Variants in KAT2A observed in about 807,000 individuals in gnomAD.
The protein encoded by KAT2A is histone acetyltransferase KAT2A.
A neutral mutation model predicts 95.2 loss-of-function variants in KAT2A; 42 were observed. The observed-to-expected ratio is 0.44, with a 90% CI of 0.34 to 0.57. The LOEUF (loss-of-function observed/expected upper bound fraction) is 0.57, where lower values mean the gene tolerates loss of function less well. Among genes scored for constraint, KAT2A ranks in the 20% least tolerant of loss-of-function variants. The probability of loss-of-function intolerance (pLI) is 0.01; values close to 1 mark genes in which losing one functional copy is unlikely to be tolerated. For synonymous variants in KAT2A, 449 were observed against 448.2 expected (o/e 1.00, Z -0.02); for missense variants, 784 against 1,126.3 (o/e 0.70, Z 4.35).
intron 7 of KAT2A, 29 bp from the exon 8 acceptor site, chr17:42,118,046 G>C (rs1555666469): frequency 1.5e-6 from 2 of 1,334,702 alleles, no homozygotes; most frequent in African/African-American, 1.7e-5. Context: ...GTCAGGGATG[G>C]GGGGCTGAAG....
At chr17:42,116,942 G>C in intron 11 of KAT2A, 93 bp downstream of exon 11, 5 of 1,469,994 alleles carry the variant, frequency 3.4e-6, no homozygotes, top group Non-Finnish European at 4.7e-6. Context: ...AAGAGCAACG[G>C]GCTGCTGCAT....
chr17:42,119,926 C>G lies in KAT2A; in HGVS notation c.699+104G>C. Reference sequence around the variant, plus strand: ...ACAAAACACCCTTCCTTCTCTGAACCTCCCCAGTGTTCTCAGCTTGAGGAG... The same window carrying G: ...ACAAAACACCCTTCCTTCTCTGAACGTCCCCAGTGTTCTCAGCTTGAGGAG... On this transcript the variant is annotated intron_variant, in intron 4 of 17. Transcript: ENST00000225916. The surrounding 1 kb of genome is among the most constrained non-coding windows in gnomAD (Gnocchi z 5.3). 2 of 1,171,714 alleles carry G rather than the reference C, an allele frequency of 1.7e-6. No homozygotes were observed. Among genetic ancestry groups the G allele is most frequent in the Non-Finnish European group, 2.5e-6 (2 of 790,182 alleles). The allele number at this position is 1,171,714 out of a possible 1,614,324, so 72.6% of individuals were successfully genotyped here.
In KAT2A at chr17:42,117,461, C is replaced by T; in HGVS notation, c.1564G>A (p.Gly522Arg). 1 of 1,613,186 alleles carries T rather than the reference C, an allele frequency of 6.2e-7. No individual in the cohort carries two copies. Residue 522 changes from glycine to arginine, a missense_variant, in exon 10 of 18, where the codon GGG becomes AGG. Transcript: ENST00000225916. This position sits in a 1 kb window ranked among gnomAD's most constrained non-coding sequence, Gnocchi z 8.9. ...ANRRVLLWLV[G>R]LQNVFSHQLP... ...TGGTGGGAAAAGACATTCTGCAGCC[C>T]CACGAGCCACAGCAACACCCGCCGG...
At chr17:42,120,624 G>C (rs1327426151) in intron 2 of KAT2A, 82 bp downstream of exon 2, 34 of 1,576,594 alleles carry the variant, frequency 2.2e-5, no homozygotes, top group Non-Finnish European at 2.8e-5. Flanking sequence ...TTTTTTCAGA[G>C]ATGAAGCTTT....
At position 42,117,176 on chromosome 17, in the gene KAT2A, G is replaced by A. The variant is rs781912584; in HGVS notation, c.1638-15C>T. The A allele has an allele frequency of 1.7e-5, 28 of 1,613,538 alleles. No individual in the cohort carries two copies. Among genetic ancestry groups the A allele is most frequent in the African/African-American group, 6.7e-5 (5 of 74,920 alleles). ...TCTTGTGCTTCCTAAGAGAGAGGGGGGCATGTCATAGCCCCTGACTGTCCC... is the reference window on the plus strand; with the variant it reads ...TCTTGTGCTTCCTAAGAGAGAGGGGAGCATGTCATAGCCCCTGACTGTCCC... On this transcript the variant is annotated splice_polypyrimidine_tract_variant and intron_variant, in intron 10 of 17. Transcript: ENST00000225916. This position sits in a 1 kb window ranked among gnomAD's most constrained non-coding sequence, Gnocchi z 8.9.
At chr17:42,115,609 G>C in intron 12 of KAT2A, 114 bp downstream of exon 12, 1 of 728,068 alleles carries the variant, frequency 1.4e-6, no homozygotes, top group Non-Finnish European at 2.5e-6. Context: ...CTCCTGGCAG[G>C]TGTCAGGTGA....
At chr17:42,118,466 G>A in intron 6 of KAT2A, 63 bp from the exon 7 acceptor site, 1 of 1,177,410 alleles carries the variant, frequency 8.5e-7, no homozygotes, top group Non-Finnish European at 1.3e-6. Flanking sequence ...GGGCCAGGCA[G>A]CAGAGGGACT....
chr17:42,114,939 G>A lies in KAT2A; in HGVS notation c.1972C>T (p.Arg658Cys), dbSNP rs374869741. The A allele has an allele frequency of 1.9e-5, 31 of 1,613,868 alleles. No homozygotes were observed. Among genetic ancestry groups the A allele is most frequent in the African/African-American group, 2.7e-5 (2 of 74,858 alleles). ...ATLMECELNP[R>C]IPYTELSHII... Reference sequence around the variant, plus strand: ...TGGGACAGCTCCGTGTAGGGGATGCGGGGATTCAGCTCACACTCCATCAGC... The same window carrying A: ...TGGGACAGCTCCGTGTAGGGGATGCAGGGATTCAGCTCACACTCCATCAGC... Residue 658 changes from arginine to cysteine, a missense_variant, in exon 13 of 18, where the codon CGC becomes TGC. Transcript: ENST00000225916. This position sits in a 1 kb window ranked among gnomAD's most constrained non-coding sequence, Gnocchi z 6.0.
At chr17:42,116,109 T>C (rs2054254773) in intron 11 of KAT2A, among the ~76,000 whole-genome samples, 1 of 152,182 alleles carries the variant, frequency 6.6e-6, no homozygotes, top group Non-Finnish European at 1.5e-5. Context: ...ATTACCACCT[T>C]TATTTTACAG....
chr17:42,114,829 T>C lies in KAT2A; in HGVS notation c.2019+63A>G. The C allele has an allele frequency of 6.4e-7, 1 of 1,550,980 alleles. No individual in the cohort carries two copies. Among genetic ancestry groups the C allele is most frequent in the Non-Finnish European group, 8.9e-7 (1 of 1,125,958 alleles). On this transcript the variant is annotated intron_variant, in intron 13 of 17. Coordinates refer to ENST00000225916, the MANE Select transcript of KAT2A (RefSeq NM_021078.3). This position sits in a 1 kb window ranked among gnomAD's most constrained non-coding sequence, Gnocchi z 6.0. Reference sequence around the variant, plus strand: ...TAGACGTAGAACAGGTCTACACACGTGTGCTCGCCCTCTGCATGCCCATTC... The same window carrying C: ...TAGACGTAGAACAGGTCTACACACGCGTGCTCGCCCTCTGCATGCCCATTC...
At position 42,113,466 on chromosome 17, in the gene KAT2A, G is replaced by A. The variant is rs1555665033; in HGVS notation, c.*183C>T. The A allele has an allele frequency of 1.8e-6, 1 of 558,848 alleles. No individual in the cohort carries two copies. The highest frequency in any genetic ancestry group is 3.1e-6 in the Non-Finnish European group (1 of 324,366). 34.6% of individuals were successfully genotyped at this position (558,848 alleles called of 1,614,324 possible). A position where few individuals can be genotyped will look rare whatever the true frequency, so the allele number is the denominator to read the frequency against. On this transcript the variant is annotated 3_prime_UTR_variant, in exon 18 of 18. Coordinates refer to ENST00000225916, the MANE Select transcript of KAT2A (RefSeq NM_021078.3). ...ACCTCTCACACACAGTGAAGGCTGG[G>A]ACAGAGCTGCACGCTTGGGGGTGCC...
chr17:42,120,800 C>G lies in KAT2A; in HGVS notation c.369G>C (p.Trp123Cys). The change falls in exon 2 of 18, where the codon TGG becomes TGC. Residue 123 changes from tryptophan to cysteine, a missense_variant. Physicochemically the swap from Trp to Cys is radical, Grantham distance 215. Coordinates refer to ENST00000225916, the MANE Select transcript of KAT2A (RefSeq NM_021078.3). ...KANETCKCNG[W>C]KNPKPPTAPR... is the part of the protein sequence containing the mutation. ...GTGCAGTGGGGGGCTTGGGGTTTTTCCAGCCATTACACTTACAGGTTTCAT... is the reference window on the plus strand; with the variant it reads ...GTGCAGTGGGGGGCTTGGGGTTTTTGCAGCCATTACACTTACAGGTTTCAT... 1 of 1,613,370 alleles carries G rather than the reference C, an allele frequency of 6.2e-7. No individual in the cohort carries two copies. Among genetic ancestry groups the G allele is most frequent in the Non-Finnish European group, 8.5e-7 (1 of 1,179,644 alleles).
In KAT2A at chr17:42,119,458, G is replaced by A. The variant is rs201075783; in HGVS notation, c.882-22C>T. 796 of 1,596,904 alleles carry A rather than the reference G, an allele frequency of 5.0e-4. No homozygotes were observed. The highest frequency in any genetic ancestry group is 5.4e-4 in the Admixed American group (32 of 58,912). On this transcript the variant is annotated intron_variant, in intron 5 of 17. Coordinates refer to ENST00000225916, the MANE Select transcript of KAT2A (RefSeq NM_021078.3). This position sits in a 1 kb window ranked among gnomAD's most constrained non-coding sequence, Gnocchi z 5.3. ...CCATCTGGAGTAGGGGGTCGAGGGG[G>A]AGACAGGTGAGGGCGGAAACCACTG...
rs201249041 is a variant in KAT2A at position 42,120,852 on chromosome 17, A to G, written c.340-23T>C. On this transcript the variant is annotated intron_variant, in intron 1 of 17. Coordinates refer to ENST00000225916, the MANE Select transcript of KAT2A (RefSeq NM_021078.3). ...GGCCTGGAGGTGGAAGGATCAGTCA[A>G]TGACCTATACCTCTGGGGCAAGAGC... 732 of 1,601,436 alleles carry G rather than the reference A, an allele frequency of 4.6e-4. 2 individuals carry two copies. The African/African-American group carries it at 8.6e-3, about 19-fold the overall frequency.
Position 42,117,595 on chromosome 17 carries a change from G to A in KAT2A, c.1430C>T (p.Thr477Met), listed in dbSNP as rs1555666268. Reference sequence around the variant, plus strand: ...GGCCGCATTGGCCGAAAGCAGGCTCGTCTGGGCACAGAAGAGGGGTGGTGA... The same window carrying A: ...GGCCGCATTGGCCGAAAGCAGGCTCATCTGGGCACAGAAGAGGGGTGGTGA... ...TDPAAMLGPETSLLSANAARD... is the reference protein window; with the variant it reads ...TDPAAMLGPEMSLLSANAARD... The change falls in exon 10 of 18, where the codon ACG becomes ATG. Residue 477 changes from threonine to methionine, a missense_variant and splice_region_variant. Coordinates refer to ENST00000225916, the MANE Select transcript of KAT2A (RefSeq NM_021078.3). The surrounding 1 kb of genome is among the most constrained non-coding windows in gnomAD (Gnocchi z 8.9). 3.1e-6 allele frequency: 5 copies of A among 1,611,880 alleles called. No individual in the cohort carries two copies. The highest frequency in any genetic ancestry group is 2.2e-5 in the East Asian group (1 of 44,836).
chr17:42,115,101 C>T (rs1326843021), intron 12 of KAT2A, 66 bp from the exon 13 acceptor site: 1 of 1,543,866 alleles, frequency 6.5e-7, no homozygotes, highest in Admixed American at 1.7e-5. Flanking sequence ...CGTCCCTCAC[C>T]TGGGAGCACC....
chr17:42,113,830 A>C lies in KAT2A; in HGVS notation c.2333T>G (p.Met778Arg). 6.3e-7 allele frequency: 1 copy of C among 1,594,112 alleles called. No homozygotes were observed. Among genetic ancestry groups the C allele is most frequent in the Non-Finnish European group, 8.5e-7 (1 of 1,171,844 alleles). ...VIRFPIDLKTMTERLRSRYYV... is the reference protein window; with the variant it reads ...VIRFPIDLKTRTERLRSRYYV... ...GTAGCGGCTTCGCAGCCGCTCAGTC[A>C]TGGTCTTCAGGTCTGGGGCAGCAGG... The change falls in exon 18 of 18, where the codon ATG becomes AGG. Residue 778 changes from methionine (M) to arginine (R), a missense_variant. Met to Arg is a moderately conservative substitution (Grantham distance 91, BLOSUM62 -1). Around this residue, in one of 6 missense-constraint regions of KAT2A, gnomAD observed 195 missense variants for 247.1 expected, o/e 0.79. Coordinates refer to ENST00000225916, the MANE Select transcript of KAT2A (RefSeq NM_021078.3).
intron 6 of KAT2A, 60 bp from the exon 7 acceptor site, chr17:42,118,463 G>A: frequency 1.7e-6 from 2 of 1,197,880 alleles, no homozygotes; most frequent in South Asian, 2.4e-5. Flanking sequence ...CCTGGGCCAG[G>A]CAGCAGAGGG....
In KAT2A at chr17:42,118,300, G is replaced by T. The variant is rs2054291700; in HGVS notation, c.1177C>A (p.Pro393Thr). ...PSEGTQLVPR[P>T]ASVSAAVVPS... ...CAGAGCGTACCATGGCACATACCTG[G>T]CCGGGGAACCAGCTGTGTCCCCTCT... Residue 393 changes from proline (P) to threonine (T), a missense_variant, in exon 7 of 18, where the codon CCA (proline) becomes ACA (threonine). Physicochemically the swap from Pro to Thr is conservative, Grantham distance 38. Transcript: ENST00000225916. The T allele has an allele frequency of 3.1e-6, 5 of 1,606,006 alleles. No homozygotes were observed. In the East Asian group the frequency reaches 1.1e-4, roughly 36 times the overall value.
Sources: gnomAD v4.1 joint callset for allele counts (sites outside exome capture counted in the v4.1 genomes callset) on GRCh38, gnomAD v4.1.1 for gene constraint, gnomAD v4.1.1 regional missense constraint, Gnocchi (gnomAD v3.1) non-coding constraint, MANE v1.5 for transcripts, NCBI Gene and HGNC (gene_info 2026-07-23, HGNC 2026-07-21) for gene names.